LSAMP: variants seen among roughly 807,000 people sequenced by gnomAD.
LSAMP encodes the protein limbic system associated membrane protein.
LSAMP carries 7 observed loss-of-function variants against 38.6 expected under a neutral mutation model. The ratio of observed to expected loss-of-function variants is 0.18; its 90% CI spans 0.10 to 0.34. The LOEUF is 0.34. Ranked by LOEUF, LSAMP falls within the 10% of genes least tolerant of loss-of-function variation. LSAMP has a pLI of 1.00. For synonymous variants in LSAMP, 154 were observed against 166.8 expected (o/e 0.92, Z 0.59); for missense variants, 313 against 420.0 (o/e 0.75, Z 2.23).
chr3:116,337,527 T>C (rs1166909393), intron 1 of LSAMP, among the ~76,000 whole-genome samples: 5 of 151,960 alleles, frequency 3.3e-5, no homozygotes, highest in South Asian at 2.1e-4. Flanking sequence ...CCAAAGAGTA[T>C]TTTTACTGTA....
At chr3:116,005,150 T>C (rs1940119583) in intron 3 of LSAMP, among the ~76,000 whole-genome samples, 1 of 152,180 alleles carries the variant, frequency 6.6e-6, no homozygotes, top group Non-Finnish European at 1.5e-5. Context: ...CCAAATCTTA[T>C]GGAATTCTCT....
chr3:116,422,783 C>T (rs1007347977), intron 1 of LSAMP, among the ~76,000 whole-genome samples: 1 of 152,152 alleles, frequency 6.6e-6, no homozygotes, highest in Admixed American at 6.5e-5. Flanking sequence ...AATAGTGCTG[C>T]TAAGCTTATA....
intron 1 of LSAMP, among the ~76,000 whole-genome samples, chr3:116,157,844 A>T (rs1184033627): frequency 6.6e-6 from 1 of 152,102 alleles, no homozygotes; most frequent in African/African-American, 2.4e-5. Context: ...ACTCCTCCCT[A>T]ACTCATAGAA....
intron 1 of LSAMP, among the ~76,000 whole-genome samples, chr3:116,092,237 C>A (rs1227689698): frequency 6.6e-6 from 1 of 151,752 alleles, no homozygotes; most frequent in African/African-American, 2.4e-5. Flanking sequence ...TTTAATATTT[C>A]TTAAGAAATA....
At chr3:116,238,744 T>C (rs899779222) in intron 1 of LSAMP, among the ~76,000 whole-genome samples, 1 of 152,098 alleles carries the variant, frequency 6.6e-6, no homozygotes, top group African/African-American at 2.4e-5. Context: ...CCTCTAAAAT[T>C]AGAGAAGAAA....
intron 1 of LSAMP, among the ~76,000 whole-genome samples, chr3:116,216,355 A>T (rs953433365): frequency 2.6e-5 from 4 of 152,054 alleles, no homozygotes; most frequent in African/African-American, 7.2e-5. Context: ...TGAACATGCT[A>T]CCCTAGGTAT....
At chr3:116,201,668 T>C (rs866590019) in intron 1 of LSAMP, among the ~76,000 whole-genome samples, 12 of 152,154 alleles carry the variant, frequency 7.9e-5, no homozygotes, top group Non-Finnish European at 1.5e-5. Context: ...GCAGGAGACA[T>C]AGAAACTGAA....
At chr3:116,097,292 G>A (rs752573484) in intron 1 of LSAMP, among the ~76,000 whole-genome samples, 14 of 152,126 alleles carry the variant, frequency 9.2e-5, no homozygotes, top group Non-Finnish European at 1.8e-4. Context: ...AGAAATGCTC[G>A]CAATAAACCA....
chr3:115,980,849 C>G (rs910395332), intron 3 of LSAMP, among the ~76,000 whole-genome samples: 4 of 152,218 alleles, frequency 2.6e-5, no homozygotes, highest in Non-Finnish European at 4.4e-5. Flanking sequence ...CATGAAGTAG[C>G]CTTTATGCTT....
In LSAMP at chr3:115,901,158, C is replaced by T. The variant is rs373357878; in HGVS notation, c.515-48541G>A. ...TGCTCTGGACAGACCTTTGGATGCT[C>T]TGCCTCTAGAATCATTTGGGGTCTG... On this transcript the variant is annotated intron_variant, in intron 3 of 6. Transcript: ENST00000490035. 4.6e-5 allele frequency among the ~76,000 whole-genome samples: 7 copies of T among 152,202 alleles called. No homozygotes were observed. In the East Asian group the frequency reaches 1.4e-3, roughly 29 times the overall value.
intron 3 of LSAMP, among the ~76,000 whole-genome samples, chr3:115,986,494 TTTTA>T (rs1939512818): frequency 6.6e-6 from 1 of 152,132 alleles, no homozygotes; most frequent in South Asian, 2.1e-4. Context: ...CTTTTTGAAT[TTTTA>T]TTTAATTGAG....
At chr3:115,821,073 A>G (rs1934220251) in intron 6 of LSAMP, among the ~76,000 whole-genome samples, 1 of 151,870 alleles carries the variant, frequency 6.6e-6, no homozygotes, top group Non-Finnish European at 1.5e-5. Context: ...CTTTACTATG[A>G]TCTCTTGCTC....
At chr3:115,934,297 G>A (rs558210949) in intron 3 of LSAMP, among the ~76,000 whole-genome samples, 9 of 151,502 alleles carry the variant, frequency 5.9e-5, no homozygotes, top group South Asian at 4.2e-4. Flanking sequence ...TCAAGCCTCC[G>A]CCTCCCAATA....
At chr3:115,890,966 A>G (rs968453696) in intron 3 of LSAMP, among the ~76,000 whole-genome samples, 1 of 151,902 alleles carries the variant, frequency 6.6e-6, no homozygotes, top group Non-Finnish European at 1.5e-5. Flanking sequence ...GTGTGCCCTG[A>G]TGGGAAAAAG....
At chr3:115,933,642 C>T (rs1164192665) in intron 3 of LSAMP, among the ~76,000 whole-genome samples, 2 of 152,142 alleles carry the variant, frequency 1.3e-5, no homozygotes, top group Non-Finnish European at 2.9e-5. Flanking sequence ...TCTGCATAGG[C>T]ATAGGAGCAC....
chr3:115,996,736 C>A (rs1318111569), intron 3 of LSAMP, among the ~76,000 whole-genome samples: 5 of 151,942 alleles, frequency 3.3e-5, no homozygotes, highest in Non-Finnish European at 5.9e-5. Flanking sequence ...TTATTCATTT[C>A]TTTATTTATT....
At chr3:116,149,556 T>C (rs891958196) in intron 1 of LSAMP, among the ~76,000 whole-genome samples, 1 of 152,128 alleles carries the variant, frequency 6.6e-6, no homozygotes, top group Non-Finnish European at 1.5e-5. Context: ...TTTTGCTCTC[T>C]TTCAATGGGT....
chr3:116,421,941 A>C (rs941875824), intron 1 of LSAMP, among the ~76,000 whole-genome samples: 2 of 152,204 alleles, frequency 1.3e-5, no homozygotes, highest in Non-Finnish European at 2.9e-5. Flanking sequence ...TATGGAAGAG[A>C]AATGAAAATA....
At chr3:116,067,145 A>C in intron 2 of LSAMP, among the ~76,000 whole-genome samples, 1 of 152,166 alleles carries the variant, frequency 6.6e-6, no homozygotes. Flanking sequence ...CTTCAACTTG[A>C]CTAAATATAT....
Sources: gnomAD v4.1 joint callset for allele counts (sites outside exome capture counted in the v4.1 genomes callset) on GRCh38, gnomAD v4.1.1 for gene constraint, MANE v1.5 for transcripts, NCBI Gene and HGNC (gene_info 2026-07-23, HGNC 2026-07-21) for gene names.